CSMD3: variants seen among roughly 807,000 people sequenced by gnomAD.
The protein encoded by CSMD3 is CUB and sushi domain-containing protein 3.
CSMD3 carries 177 observed loss-of-function variants against 435.2 expected under a neutral mutation model. The ratio of observed to expected loss-of-function variants is 0.41; its 90% confidence interval spans 0.36 to 0.46. The LOEUF is 0.46. CSMD3 is among the 20% of genes least tolerant of loss of function. The pLI is 0.34. For synonymous variants in CSMD3, 1,656 were observed against 1,520.5 expected, an observed-to-expected ratio of 1.09 and a Z score of -2.07; for missense variants, 4,265 against 4,504.6, an observed-to-expected ratio of 0.95 and a Z score of 1.52.
intron 37 of CSMD3, among the ~76,000 whole-genome samples, chr8:112,382,255 G>A (rs894964438): frequency 7.1e-6 from 1 of 139,920 alleles, no homozygotes. Context: ...CTGCACCAAA[G>A]TCTGGGCAAT....
Position 112,255,434 on chromosome 8 carries a change from A to T in CSMD3, c.9863-7T>A. Reference sequence around the variant, plus strand: ...GGGTCACCACAAAACTTTGCTGGAAATGAAAAGAAAGACGCTTATATCAAA... The same window carrying T: ...GGGTCACCACAAAACTTTGCTGGAATTGAAAAGAAAGACGCTTATATCAAA... On this transcript the variant is annotated splice_region_variant and splice_polypyrimidine_tract_variant and intron_variant, in intron 61 of 70. Transcript: ENST00000297405. 6.2e-7 allele frequency: 1 copy of T among 1,613,530 alleles called. No individual in the cohort carries two copies. The highest frequency in any genetic ancestry group is 8.5e-7 in the Non-Finnish European group (1 of 1,179,604).
intron 3 of CSMD3, among the ~76,000 whole-genome samples, chr8:113,198,382 A>C (rs1488931453): frequency 6.6e-6 from 1 of 151,290 alleles, no homozygotes; most frequent in Non-Finnish European, 1.5e-5. Flanking sequence ...TGGAGTTGAG[A>C]CCAAAATTGA....
At chr8:112,328,671 T>A (rs1184085247) in intron 45 of CSMD3, among the ~76,000 whole-genome samples, 1 of 152,086 alleles carries the variant, frequency 6.6e-6, no homozygotes, top group Non-Finnish European at 1.5e-5. Context: ...GAGAGAGGGA[T>A]CTAGTGAGAG....
chr8:112,436,935 A>C (rs916934637), intron 32 of CSMD3, among the ~76,000 whole-genome samples: 28 of 152,088 alleles, frequency 1.8e-4, no homozygotes, highest in Non-Finnish European at 2.9e-5. Flanking sequence ...TGAGAAGTCA[A>C]CTGTGGATGC....
intron 3 of CSMD3, among the ~76,000 whole-genome samples, chr8:113,258,717 AC>A (rs2093403399): frequency 6.6e-6 from 1 of 152,162 alleles, no homozygotes; most frequent in Admixed American, 6.6e-5. Flanking sequence ...GAGGAATATA[AC>A]GGTTTTGAGT....
At chr8:112,972,418 G>T (rs111333498) in intron 7 of CSMD3, among the ~76,000 whole-genome samples, 1 of 151,546 alleles carries the variant, frequency 6.6e-6, no homozygotes, top group Non-Finnish European at 1.5e-5. Context: ...TTTATAGTTT[G>T]CTAATGGTTA....
chr8:112,410,642 A>ATATATATGTGTATATATATATG (rs1832299814), intron 32 of CSMD3, among the ~76,000 whole-genome samples: 1 of 95,988 alleles, frequency 1.0e-5, no homozygotes, highest in African/African-American at 3.4e-5. Context: ...ATATATGTAT[A>ATATATATGTGTATATATATATG]TATATATGTG....
chr8:112,278,490 C>T (rs1365833563), intron 59 of CSMD3, among the ~76,000 whole-genome samples: 1 of 152,128 alleles, frequency 6.6e-6, no homozygotes, highest in African/African-American at 2.4e-5. Context: ...TAGATTTAAT[C>T]ATATGTCTCA....
At chr8:113,196,217 A>G (rs538944402) in intron 3 of CSMD3, among the ~76,000 whole-genome samples, 90 of 151,100 alleles carry the variant, frequency 6.0e-4, no homozygotes, top group Middle Eastern at 3.4e-3. Context: ...ATGGGGCCAC[A>G]AGAAAAAGAA....
At chr8:112,554,715 TTA>T in intron 25 of CSMD3, among the ~76,000 whole-genome samples, 1 of 151,932 alleles carries the variant, frequency 6.6e-6, no homozygotes, top group African/African-American at 2.4e-5. Flanking sequence ...TATATAAAAC[TTA>T]TGTTTGCAGA....
At chr8:113,117,636 G>A (rs1233677563) in intron 4 of CSMD3, among the ~76,000 whole-genome samples, 1 of 152,200 alleles carries the variant, frequency 6.6e-6, no homozygotes, top group African/African-American at 2.4e-5. Flanking sequence ...TGTTCACCTG[G>A]AAAAGCCGAA....
chr8:112,278,782 T>A (rs1456233967), intron 59 of CSMD3, among the ~76,000 whole-genome samples: 1 of 152,146 alleles, frequency 6.6e-6, no homozygotes, highest in Non-Finnish European at 1.5e-5. Context: ...ATCAAAAAGA[T>A]TCTGGTTCTC....
chr8:113,123,049 T>C (rs1292531073), intron 4 of CSMD3, among the ~76,000 whole-genome samples: 2 of 151,910 alleles, frequency 1.3e-5, no homozygotes, highest in Non-Finnish European at 2.9e-5. Flanking sequence ...TAATGAAGAC[T>C]TAGTGAAGTC....
rs1815668181 is a variant in CSMD3 at position 112,255,248 on chromosome 8, T to C, written c.10036+6A>G. The C allele has an allele frequency of 1.9e-6, 3 of 1,608,770 alleles. No individual in the cohort carries two copies. The highest frequency in any genetic ancestry group is 1.7e-6 in the Non-Finnish European group (2 of 1,175,226). On this transcript the variant is annotated splice_donor_region_variant and intron_variant, in intron 62 of 70. Transcript: ENST00000297405. ...CTGTGCATAATCAGCCTTTAATTAA[T>C]ATTACCTATGCAGTGAGGTGATGAA...
chr8:112,762,378 T>C (rs1290640422), intron 13 of CSMD3, among the ~76,000 whole-genome samples: 1 of 151,938 alleles, frequency 6.6e-6, no homozygotes, highest in Non-Finnish European at 1.5e-5. Flanking sequence ...AGCTGTTCTG[T>C]CCATAGCACT....
intron 56 of CSMD3, among the ~76,000 whole-genome samples, chr8:112,290,790 T>C (rs1417304624): frequency 6.6e-6 from 1 of 152,074 alleles, no homozygotes; most frequent in Non-Finnish European, 1.5e-5. Context: ...AGTCCAAGAC[T>C]CACCAACTGT....
intron 12 of CSMD3, among the ~76,000 whole-genome samples, chr8:112,803,208 T>A (rs1554683740): frequency 6.6e-6 from 1 of 152,292 alleles, no homozygotes; most frequent in Non-Finnish European, 1.5e-5. Context: ...TTCTTCTTCC[T>A]TTTTCTGCTA....
intron 2 of CSMD3, among the ~76,000 whole-genome samples, chr8:113,279,825 G>A (rs528798050): frequency 1.8e-4 from 27 of 151,710 alleles, no homozygotes; most frequent in African/African-American, 6.5e-4. Flanking sequence ...ACTTCATTTT[G>A]TAATTTCATA....
At chr8:112,271,186 G>C (rs1817499689) in intron 59 of CSMD3, among the ~76,000 whole-genome samples, 1 of 152,000 alleles carries the variant, frequency 6.6e-6, no homozygotes, top group Non-Finnish European at 1.5e-5. Flanking sequence ...CTTATTTATT[G>C]ACTTACATTA....
Sources: allele counts gnomAD v4.1 joint callset (sites outside exome capture counted in the v4.1 genomes callset), GRCh38; gene constraint gnomAD v4.1.1; transcripts MANE v1.5; gene names NCBI Gene and HGNC (gene_info 2026-07-23, HGNC 2026-07-21).